The following DIPK1A variants were observed in gnomAD, a reference collection of about 807,000 sequenced individuals.
DIPK1A encodes the protein divergent protein kinase domain 1A, also known as family with sequence similarity 69 member A.
In DIPK1A, 27 loss-of-function variants were observed where a neutral mutation model predicts 40.8. The observed-to-expected ratio is 0.66, with a 90% CI of 0.49 to 0.91. The LOEUF (loss-of-function observed/expected upper bound fraction) is 0.91. DIPK1A is among the 40% of genes least tolerant of loss of function. DIPK1A has a pLI of 0.00. For missense variants in DIPK1A, 412 were observed against 505.7 expected, an observed-to-expected ratio of 0.81 and a Z score of 1.78; for synonymous variants, 166 against 171.3, an observed-to-expected ratio of 0.97 and a Z score of 0.24.
chr1:92,894,662 G>A (rs1367742876), intron 1 of DIPK1A, among the ~76,000 whole-genome samples: 2 of 151,980 alleles, frequency 1.3e-5, no homozygotes, highest in Non-Finnish European at 2.9e-5. Context: ...TCACAGCAGA[G>A]CTGAAGGAAA....
At chr1:92,846,830 T>TACACACAC (rs1687632877) in intron 4 of DIPK1A, among the ~76,000 whole-genome samples, 1 of 3,972 alleles carries the variant, frequency 2.5e-4, no homozygotes, top group Non-Finnish European at 3.5e-4. Context: ...TATATATATA[T>TACACACAC]ATATATATAT....
chr1:92,894,059 C>G (rs201405201), intron 1 of DIPK1A, among the ~76,000 whole-genome samples: 10 of 131,022 alleles, frequency 7.6e-5, no homozygotes, highest in East Asian at 6.9e-4. Context: ...TAATGGGAGA[C>G]TTTAACACCC....
intron 1 of DIPK1A, among the ~76,000 whole-genome samples, chr1:92,958,601 C>G (rs1231021051): frequency 1.3e-5 from 2 of 152,194 alleles, no homozygotes; most frequent in African/African-American, 4.8e-5. Flanking sequence ...GTTATACCCT[C>G]ACTCTAAATT....
chr1:92,833,127 G>C (rs944013709), intron 4 of DIPK1A: 2 of 674,504 alleles, frequency 3.0e-6, no homozygotes, highest in African/African-American at 3.6e-5. Flanking sequence ...AATAAATTGG[G>C]GCCTGCATTT....
intron 4 of DIPK1A, among the ~76,000 whole-genome samples, chr1:92,844,404 C>G (rs544132735): frequency 6.6e-6 from 1 of 152,296 alleles, no homozygotes; most frequent in East Asian, 1.9e-4. Context: ...GTAAAACCCA[C>G]TTTAAAATAC....
intron 1 of DIPK1A, among the ~76,000 whole-genome samples, chr1:92,956,100 G>T (rs1166032717): frequency 6.6e-6 from 1 of 152,112 alleles, no homozygotes; most frequent in Non-Finnish European, 1.5e-5. Context: ...GGCTATTCAT[G>T]TGTCAGGACA....
At chr1:92,884,593 A>AT (rs2100790212) in intron 1 of DIPK1A, among the ~76,000 whole-genome samples, 1 of 152,260 alleles carries the variant, frequency 6.6e-6, no homozygotes, top group East Asian at 1.9e-4. Context: ...TCAGGTGTCC[A>AT]TTTCTCCCTT....
intron 1 of DIPK1A, among the ~76,000 whole-genome samples, chr1:92,881,699 A>C (rs1648382734): frequency 6.6e-6 from 1 of 152,210 alleles, no homozygotes; most frequent in African/African-American, 2.4e-5. Flanking sequence ...AAGTGAAAAA[A>C]AATTCGCTTT....
intron 1 of DIPK1A, among the ~76,000 whole-genome samples, chr1:92,906,920 C>A (rs1649647200): frequency 6.6e-6 from 1 of 152,206 alleles, no homozygotes; most frequent in African/African-American, 2.4e-5. Flanking sequence ...TATAAACAAG[C>A]TCACATTTAA....
chr1:92,855,387 A>G (rs1687951514), intron 2 of DIPK1A, among the ~76,000 whole-genome samples: 1 of 152,044 alleles, frequency 6.6e-6, no homozygotes, highest in Non-Finnish European at 1.5e-5. Context: ...CCAACCAACC[A>G]ACCAAACAAA....
At chr1:92,848,210 T>A (rs1054039377) in intron 3 of DIPK1A, among the ~76,000 whole-genome samples, 1 of 152,158 alleles carries the variant, frequency 6.6e-6, no homozygotes, top group Non-Finnish European at 1.5e-5. Context: ...CATAAAAAAA[T>A]AAATAAGATC....
intron 1 of DIPK1A, among the ~76,000 whole-genome samples, chr1:92,937,038 T>C (rs1650973930): frequency 6.6e-6 from 1 of 152,268 alleles, no homozygotes; most frequent in Admixed American, 6.5e-5. Context: ...TCATGAGTTT[T>C]ACTATGTAAT....
chr1:92,834,978 AT>A (rs1687060256), intron 4 of DIPK1A: 4 of 1,590,950 alleles, frequency 2.5e-6, no homozygotes, highest in Admixed American at 1.7e-5. Flanking sequence ...TTTCTGCAAG[AT>A]GTTTGTACAT....
chr1:92,872,069 C>CTTTTTTTTTTTTTTTTTTTTT (rs148010880), intron 2 of DIPK1A, among the ~76,000 whole-genome samples: 1 of 67,936 alleles, frequency 1.5e-5, no homozygotes, highest in Non-Finnish European at 2.6e-5. Context: ...TTCTTTAAAT[C>CTTTTTTTTTTTTTTTTTTTTT]TTTTTTTTTT....
chr1:92,876,390 G>C lies in DIPK1A; in HGVS notation c.95C>G (p.Ser32Cys). 6.2e-7 allele frequency: 1 copy of C among 1,613,152 alleles called. No individual in the cohort carries two copies. The highest frequency in any genetic ancestry group is 8.5e-7 in the Non-Finnish European group (1 of 1,179,494). Residue 32 changes from serine (S) to cysteine (C), a missense_variant, in exon 2 of 5, where the codon TCC becomes TGC. Coordinates refer to ENST00000370310, the MANE Select transcript of DIPK1A (RefSeq NM_001006605.5). Reference protein sequence around the residue: ...SYVRMKYLFFSWLVVFVGSWI... With the variant: ...SYVRMKYLFFCWLVVFVGSWI... ...GCTTCCAACAAAAACCACTAACCAG[G>C]AAAAGAAAAGATATTTCATCCGCAC... is the stretch of plus-strand genomic sequence containing the variant.
At chr1:92,960,217 T>C (rs530562980) in intron 1 of DIPK1A, among the ~76,000 whole-genome samples, 1 of 152,228 alleles carries the variant, frequency 6.6e-6, no homozygotes, top group South Asian at 2.1e-4. Flanking sequence ...TATCATGGGT[T>C]GTCAAATCAT....
intron 2 of DIPK1A, among the ~76,000 whole-genome samples, chr1:92,872,572 C>T (rs1222098076): frequency 1.3e-5 from 2 of 152,002 alleles, no homozygotes; most frequent in Non-Finnish European, 2.9e-5. Context: ...GATTTTTGGT[C>T]ATTTTATTTT....
At chr1:92,959,794 C>A (rs977860082) in intron 1 of DIPK1A, among the ~76,000 whole-genome samples, 2 of 149,278 alleles carry the variant, frequency 1.3e-5, no homozygotes, top group Non-Finnish European at 3.0e-5. Context: ...GTTGCCCAGG[C>A]TGGAGTGCAG....
At chr1:92,929,828 C>T (rs1002339675) in intron 1 of DIPK1A, among the ~76,000 whole-genome samples, 2 of 152,164 alleles carry the variant, frequency 1.3e-5, no homozygotes, top group Admixed American at 6.5e-5. Context: ...CTTCATCCAC[C>T]TTCCAGAGGT....
Sources: allele counts gnomAD v4.1 joint callset (sites outside exome capture counted in the v4.1 genomes callset), GRCh38; gene constraint gnomAD v4.1.1; transcripts MANE v1.5; gene names NCBI Gene and HGNC (gene_info 2026-07-23, HGNC 2026-07-21).